Variants in PIK3C2G observed in about 807,000 individuals in gnomAD.
PIK3C2G encodes the protein phosphatidylinositol-4-phosphate 3-kinase catalytic subunit type 2 gamma, also known as phosphatidylinositol 3-kinase C2 domain-containing subunit gamma.
PIK3C2G carries 168 observed loss-of-function variants against 181.1 expected under a neutral mutation model. The observed-to-expected ratio is 0.93, with a 90% CI of 0.82 to 1.05. The LOEUF (loss-of-function observed/expected upper bound fraction) is 1.05, where lower values mean the gene tolerates loss of function less well. Among genes scored for constraint, PIK3C2G ranks in the 50% least tolerant of loss-of-function variants. The pLI is 0.00. For synonymous variants in PIK3C2G, 573 were observed against 592.2 expected (o/e 0.97, Z 0.47); for missense variants, 1,869 against 1,732.8 (o/e 1.08, Z -1.40).
intron 23 of PIK3C2G, among the ~76,000 whole-genome samples, chr12:18,504,569 G>A (rs1592433158): frequency 6.6e-6 from 1 of 152,262 alleles, no homozygotes; most frequent in South Asian, 2.1e-4. Context: ...CATGCTAGGA[G>A]ACCCATAACC....
chr12:18,558,779 G>C (rs965277522), intron 26 of PIK3C2G, among the ~76,000 whole-genome samples: 1 of 152,138 alleles, frequency 6.6e-6, no homozygotes. Flanking sequence ...ATTTAAAACT[G>C]TAAAGCTATT....
At chr12:18,699,060 T>A in the PIK3C2G span, among the ~76,000 whole-genome samples, 1 of 152,052 alleles carries the variant, frequency 6.6e-6, no homozygotes, top group Non-Finnish European at 1.5e-5. Flanking sequence ...TCAGGCCCCG[T>A]TTTACCTTGG....
At chr12:18,270,968 G>A (rs933355510) in intron 1 of PIK3C2G, among the ~76,000 whole-genome samples, 1 of 152,110 alleles carries the variant, frequency 6.6e-6, no homozygotes, top group Non-Finnish European at 1.5e-5. Context: ...ATCTATGCAA[G>A]ATGTTTTGCT....
At chr12:18,610,826 G>T (rs1948294754) in intron 31 of PIK3C2G, among the ~76,000 whole-genome samples, 1 of 151,890 alleles carries the variant, frequency 6.6e-6, no homozygotes. Flanking sequence ...CAAGTTAACA[G>T]AACTTACATA....
At chr12:18,509,090 C>T (rs536814884) in intron 24 of PIK3C2G, among the ~76,000 whole-genome samples, 1 of 151,990 alleles carries the variant, frequency 6.6e-6, no homozygotes. Flanking sequence ...CTCGCTCTGT[C>T]ACCGAGGCTG....
At chr12:18,479,130 T>TATAC (rs1240996778) in intron 18 of PIK3C2G, among the ~76,000 whole-genome samples, 2 of 151,464 alleles carry the variant, frequency 1.3e-5, no homozygotes, top group East Asian at 3.9e-4. Context: ...ATAAAGTACA[T>TATAC]ATACATACAT....
chr12:18,357,352 A>G (rs1292562535), intron 11 of PIK3C2G, among the ~76,000 whole-genome samples: 4 of 152,086 alleles, frequency 2.6e-5, no homozygotes, highest in Admixed American at 6.6e-5. Context: ...GTGTACAAAC[A>G]TGTTTTACAT....
chr12:18,341,336 A>G (rs2137621043), intron 9 of PIK3C2G, among the ~76,000 whole-genome samples: 1 of 152,282 alleles, frequency 6.6e-6, no homozygotes, highest in Admixed American at 6.5e-5. Context: ...AGAAAAACTC[A>G]TCTTCACATT....
At chr12:18,248,573 AC>A (rs1198874430) in intron 1 of PIK3C2G, among the ~76,000 whole-genome samples, 1 of 119,896 alleles carries the variant, frequency 8.3e-6, no homozygotes, top group Non-Finnish European at 1.8e-5. Flanking sequence ...TCCATCTCAA[AC>A]AAAACAACAA....
chr12:18,438,179 A>G (rs1333174425), intron 18 of PIK3C2G, among the ~76,000 whole-genome samples: 1 of 151,798 alleles, frequency 6.6e-6, no homozygotes, highest in Non-Finnish European at 1.5e-5. Flanking sequence ...TGGATTGTAA[A>G]CCTGAATTCA....
At chr12:18,554,682 G>A (rs977594729) in intron 26 of PIK3C2G, among the ~76,000 whole-genome samples, 13 of 152,044 alleles carry the variant, frequency 8.6e-5, no homozygotes, top group Admixed American at 2.0e-4. Flanking sequence ...ACTTAGTGCA[G>A]TATGAATTTG....
intron 11 of PIK3C2G, among the ~76,000 whole-genome samples, chr12:18,357,113 A>G (rs968904954): frequency 6.6e-6 from 1 of 152,180 alleles, no homozygotes; most frequent in Non-Finnish European, 1.5e-5. Flanking sequence ...TATAAAAACT[A>G]AAAAAAGATA....
At chr12:18,310,545 T>C (rs900944090) in intron 5 of PIK3C2G, among the ~76,000 whole-genome samples, 49 of 151,926 alleles carry the variant, frequency 3.2e-4, no homozygotes, top group African/African-American at 1.1e-3. Context: ...GAGAACTGAA[T>C]TGAAGTCATA....
chr12:18,541,106 G>T (rs1434642758), intron 25 of PIK3C2G, among the ~76,000 whole-genome samples: 1 of 151,864 alleles, frequency 6.6e-6, no homozygotes, highest in Non-Finnish European at 1.5e-5. Flanking sequence ...TCTTTAAAAA[G>T]AATTCAGTCT....
At chr12:18,409,636 G>T (rs959079369) in intron 16 of PIK3C2G, among the ~76,000 whole-genome samples, 2 of 152,146 alleles carry the variant, frequency 1.3e-5, no homozygotes, top group Admixed American at 6.5e-5. Flanking sequence ...CTCGGAAGGT[G>T]GCAGCAATGA....
chr12:18,609,670 TC>T (rs1221944335), intron 31 of PIK3C2G, 41 bp downstream of exon 31: 1 of 1,243,736 alleles, frequency 8.0e-7, no homozygotes, highest in Non-Finnish European at 1.1e-6. Flanking sequence ...TAAGCCTACA[TC>T]CAGAAATCAC....
intron 9 of PIK3C2G, 105 bp downstream of exon 9, chr12:18,338,653 TTGTG>T (rs1302995102): frequency 5.6e-6 from 4 of 716,438 alleles, no homozygotes; most frequent in East Asian, 2.6e-5. Context: ...GTGTGTATGT[TTGTG>T]TGTATCTGTG....
intron 29 of PIK3C2G, among the ~76,000 whole-genome samples, 195 bp from the exon 30 acceptor site, chr12:18,594,299 C>T (rs1385991828): frequency 6.6e-6 from 1 of 152,014 alleles, no homozygotes; most frequent in East Asian, 1.9e-4. Context: ...TTCAGTCACA[C>T]AAAAGTTTAG....
chr12:18,407,426 C>G (rs1944600318), intron 16 of PIK3C2G, among the ~76,000 whole-genome samples: 1 of 152,058 alleles, frequency 6.6e-6, no homozygotes, highest in African/African-American at 2.4e-5. Context: ...TTTTACTGAT[C>G]TCCATTTTAC....
Sources: allele counts gnomAD v4.1 joint callset (sites outside exome capture counted in the v4.1 genomes callset), GRCh38; gene constraint gnomAD v4.1.1; transcripts MANE v1.5; gene names NCBI Gene and HGNC (gene_info 2026-07-23, HGNC 2026-07-21).